TNFRSF10D: variants seen among roughly 807,000 people sequenced by gnomAD.
TNFRSF10D encodes TNF receptor superfamily member 10d.
In TNFRSF10D, 28 loss-of-function variants were observed where a neutral mutation model predicts 42.1. That is an observed-to-expected ratio of 0.66 (90% CI 0.49 to 0.91). The LOEUF is 0.91. Among genes scored for constraint, TNFRSF10D ranks in the 40% least tolerant of loss-of-function variants. The probability of loss-of-function intolerance (pLI) is 0.00; values close to 1 mark genes in which losing one functional copy is unlikely to be tolerated. For missense variants in TNFRSF10D, 503 were observed against 486.1 expected, an observed-to-expected ratio of 1.03 and a Z score of -0.33; for synonymous variants, 186 against 189.4, an observed-to-expected ratio of 0.98 and a Z score of 0.15.
intron 1 of TNFRSF10D, among the ~76,000 whole-genome samples, chr8:23,158,261 G>A (rs1255622225): frequency 6.6e-6 from 1 of 152,070 alleles, no homozygotes; most frequent in South Asian, 2.1e-4. Flanking sequence ...CTCAGGAGGC[G>A]AAGAGCTGAA....
At chr8:23,151,067 A>T (rs1444750361) in intron 2 of TNFRSF10D, among the ~76,000 whole-genome samples, 1 of 151,936 alleles carries the variant, frequency 6.6e-6, no homozygotes. Context: ...AGCCCAAAAA[A>T]CCCCTAACAG....
intron 7 of TNFRSF10D, among the ~76,000 whole-genome samples, chr8:23,143,553 C>T (rs187104421): frequency 6.1e-3 from 933 of 151,730 alleles, no homozygotes; most frequent in African/African-American, 0.019. Flanking sequence ...TTTATACTTC[C>T]CTTCATTAAA....
At position 23,136,188 on chromosome 8, in the gene TNFRSF10D, A is replaced by G. The variant is rs1814324823; in HGVS notation, c.*1682T>C. ...CTACCACGACTGGGCTACTGTGGAG[A>G]AGAGTTTGCTGGAAAGAAGCTAAAA... On this transcript the variant is annotated 3_prime_UTR_variant, in exon 9 of 9. Coordinates refer to ENST00000312584, the MANE Select transcript of TNFRSF10D (RefSeq NM_003840.5). The G allele has an allele frequency of 8.1e-6, 2 of 246,854 alleles. No homozygotes were observed. Among genetic ancestry groups the G allele is most frequent in the South Asian group, 9.4e-5 (2 of 21,300 alleles). 15.3% of individuals were successfully genotyped at this position (246,854 alleles called of 1,614,324 possible).
intron 7 of TNFRSF10D, among the ~76,000 whole-genome samples, chr8:23,141,936 A>C (rs116615443): frequency 3.0e-3 from 447 of 151,362 alleles, no homozygotes; most frequent in African/African-American, 9.7e-3. Context: ...TAAAACAACT[A>C]CTATTTAACA....
rs1005596771 is a variant in TNFRSF10D, at chr8:23,138,421, G to A, written c.955-161C>T. On this transcript the variant is annotated intron_variant, in intron 7 of 8. Coordinates refer to ENST00000312584, the MANE Select transcript of TNFRSF10D (RefSeq NM_003840.5). ...GTCCTCCATAGCTCTTGGGCTCTGT[G>A]TGCTGGTGGCTCATTGAGACATAAG... 9.8e-5 allele frequency among the ~76,000 whole-genome samples: 15 copies of A among 152,318 alleles called. No homozygotes were observed. In the East Asian group the frequency reaches 2.9e-3, roughly 29 times the overall value.
At chr8:23,145,166 A>C in intron 5 of TNFRSF10D, 77 bp from the exon 6 acceptor site, 1 of 1,590,618 alleles carries the variant, frequency 6.3e-7, no homozygotes, top group Non-Finnish European at 8.6e-7. Context: ...AGTGGGGCGC[A>C]GGGCTGGCTG....
In TNFRSF10D at chr8:23,150,005, A is replaced by C. The variant is rs148209499; in HGVS notation, c.257-1454T>G. Among the ~76,000 whole-genome samples, 8 of 152,328 alleles carry C rather than the reference A, an allele frequency of 5.3e-5. No individual in the cohort carries two copies. The East Asian group carries it at 1.5e-3, about 29-fold the overall frequency. ...CATCCAACATGTCCCTATGGAATAA[A>C]GAACCAGAAAGTGCAGGAAACAGAA... On this transcript the variant is annotated intron_variant, in intron 2 of 8. Transcript: ENST00000312584.
intron 2 of TNFRSF10D, among the ~76,000 whole-genome samples, chr8:23,153,741 G>C (rs1253041411): frequency 6.6e-6 from 1 of 152,198 alleles, no homozygotes; most frequent in Non-Finnish European, 1.5e-5. Flanking sequence ...TGATGATGGG[G>C]AGAAAAAGGA....
chr8:23,152,276 G>A (rs992939872), intron 2 of TNFRSF10D, among the ~76,000 whole-genome samples: 7 of 152,194 alleles, frequency 4.6e-5, no homozygotes, highest in African/African-American at 9.6e-5. Context: ...CAGCACTTAC[G>A]GGAAGTGGGG....
chr8:23,151,268 A>G (rs1016452736), intron 2 of TNFRSF10D, among the ~76,000 whole-genome samples: 6 of 151,898 alleles, frequency 4.0e-5, no homozygotes, highest in Non-Finnish European at 8.8e-5. Flanking sequence ...GAAAGGAAAA[A>G]TTCCTTGCCA....
In TNFRSF10D at chr8:23,142,967, GT is replaced by G. The variant is rs1318041737; in HGVS notation, c.954+1482del. On this transcript the variant is annotated intron_variant, in intron 7 of 8. Transcript: ENST00000312584. ...ACTACCACTATGACTCAGCACCTTT[GT>G]TTTTTTTTTGTTTTTGTTTTTGTTT... Among the ~76,000 whole-genome samples, 8 of 146,152 alleles carry G rather than the reference GT, an allele frequency of 5.5e-5. No homozygotes were observed. The South Asian group carries it at 1.3e-3, about 24-fold the overall frequency.
Position 23,137,635 on chromosome 8 carries a change from C to T in TNFRSF10D, c.*235G>A, listed in dbSNP as rs1011713055. Reference sequence around the variant, plus strand: ...CGACCCTTAATACACAATCGTATAACTATGCAGCCAAGAATCTGATATAAA... The same window carrying T: ...CGACCCTTAATACACAATCGTATAATTATGCAGCCAAGAATCTGATATAAA... On this transcript the variant is annotated 3_prime_UTR_variant, in exon 9 of 9. Coordinates refer to ENST00000312584, the MANE Select transcript of TNFRSF10D (RefSeq NM_003840.5). 4 of 491,468 alleles carry T rather than the reference C, an allele frequency of 8.1e-6. No individual in the cohort carries two copies. The highest frequency in any genetic ancestry group is 3.9e-5 in the Admixed American group (1 of 25,844). 30.4% of individuals were successfully genotyped at this position (491,468 alleles called of 1,614,324 possible).
chr8:23,163,137 T>C (rs1800399188), intron 1 of TNFRSF10D, among the ~76,000 whole-genome samples: 1 of 142,818 alleles, frequency 7.0e-6, no homozygotes, highest in South Asian at 2.3e-4. Context: ...CTCGCTCTTG[T>C]TGACCAGGCT....
chr8:23,143,306 G>A (rs530491733), intron 7 of TNFRSF10D, among the ~76,000 whole-genome samples: 1 of 151,324 alleles, frequency 6.6e-6, no homozygotes, highest in East Asian at 2.0e-4. Flanking sequence ...TGTGGCAGAT[G>A]TGTGGCTCTG....
chr8:23,153,535 C>G (rs139244731), intron 2 of TNFRSF10D, among the ~76,000 whole-genome samples: 815 of 151,820 alleles, frequency 5.4e-3, no homozygotes, highest in African/African-American at 0.017. Context: ...ATCAAATAAT[C>G]CAATTAAAAC....
At chr8:23,144,107 C>T (rs111237110) in intron 7 of TNFRSF10D, among the ~76,000 whole-genome samples, 1 of 152,328 alleles carries the variant, frequency 6.6e-6, no homozygotes, top group Non-Finnish European at 1.5e-5. Context: ...TTTAAAACTT[C>T]CGCTGTTTCA....
chr8:23,142,548 G>C (rs1800045486), intron 7 of TNFRSF10D, among the ~76,000 whole-genome samples: 1 of 152,144 alleles, frequency 6.6e-6, no homozygotes, highest in South Asian at 2.1e-4. Context: ...CTAAACATCA[G>C]GTACTTACGA....
intron 6 of TNFRSF10D, 80 bp downstream of exon 6, chr8:23,144,978 G>C (rs1800093706): frequency 6.3e-7 from 1 of 1,589,224 alleles, no homozygotes; most frequent in Admixed American, 1.7e-5. Context: ...ACAAGGGATT[G>C]TGCCCACCCA....
At chr8:23,149,581 A>T (rs1800188263) in intron 2 of TNFRSF10D, among the ~76,000 whole-genome samples, 1 of 151,874 alleles carries the variant, frequency 6.6e-6, no homozygotes. Flanking sequence ...TAAAATAACA[A>T]AATAAAATCC....
Sources: gnomAD v4.1 joint callset for allele counts (sites outside exome capture counted in the v4.1 genomes callset) on GRCh38, gnomAD v4.1.1 for gene constraint, MANE v1.5 for transcripts, NCBI Gene and HGNC (gene_info 2026-07-23, HGNC 2026-07-21) for gene names.